The following CNKSR3 variants were observed in gnomAD, a reference collection of about 807,000 sequenced individuals.
CNKSR3 encodes CNKSR family member 3.
Under a neutral mutation model 67.7 loss-of-function variants are expected in CNKSR3, and 36 were observed. The observed-to-expected ratio is 0.53, with a 90% confidence interval of 0.41 to 0.70. The LOEUF is 0.70. Ranked by LOEUF, CNKSR3 falls within the 30% of genes least tolerant of loss-of-function variation. The pLI is 0.00. For synonymous variants in CNKSR3, 281 were observed against 271.4 expected, an observed-to-expected ratio of 1.04 and a Z score of -0.35; for missense variants, 630 against 695.2, an observed-to-expected ratio of 0.91 and a Z score of 1.05.
chr6:154,482,151 A>C (rs1380682723), intron 1 of CNKSR3, among the ~76,000 whole-genome samples: 1 of 152,228 alleles, frequency 6.6e-6, no homozygotes, highest in East Asian at 1.9e-4. Context: ...CAAACTTCGG[A>C]GAAAGATACA....
At chr6:154,415,258 T>C (rs1341218608) in intron 9 of CNKSR3, among the ~76,000 whole-genome samples, 6 of 129,174 alleles carry the variant, frequency 4.6e-5, no homozygotes, top group African/African-American at 1.8e-4. Context: ...TAAGATGGAG[T>C]CTGCCTCTGT....
intron 1 of CNKSR3, chr6:154,478,564 C>G (rs1446482019): frequency 6.6e-6 from 1 of 152,260 alleles, no homozygotes; most frequent in South Asian, 2.1e-4. Context: ...GCAGCAGCCC[C>G]AGGTCCTTCA....
At chr6:154,438,561 CA>C (rs1339362657) in intron 4 of CNKSR3, among the ~76,000 whole-genome samples, 1 of 151,906 alleles carries the variant, frequency 6.6e-6, no homozygotes, top group Non-Finnish European at 1.5e-5. Context: ...AATTGAGGTT[CA>C]AAAATTATAA....
chr6:154,453,785 T>G (rs1785889852), intron 1 of CNKSR3, among the ~76,000 whole-genome samples: 1 of 152,166 alleles, frequency 6.6e-6, no homozygotes, highest in African/African-American at 2.4e-5. Context: ...GATCTAACAG[T>G]CTTAGAATTT....
In CNKSR3 at chr6:154,442,130, T is replaced by C; in HGVS notation, c.377A>G (p.Glu126Gly). The change falls in exon 3 of 13, where the codon GAG becomes GGG. Residue 126 changes from glutamate (E) to glycine (G), a missense_variant. By Grantham distance (98) the Glu-to-Gly change is moderately conservative (BLOSUM62 -2). This residue lies in a region of CNKSR3 where 189 missense variants were observed against 205.0 expected (regional missense o/e 0.92). Transcript: ENST00000607772. ...APNEFLTSVV[E>G]LIGAAKALLA... is the part of the protein sequence containing the mutation. The stretch of plus-strand genomic sequence containing the variant: ...CAGGGCCTTGGCGGCGCCGATGAGC[T>C]CCACCACCGAGGTCAGGAACTCATT... 6.2e-7 allele frequency: 1 copy of C among 1,612,914 alleles called. No homozygotes were observed. The highest frequency in any genetic ancestry group is 8.5e-7 in the Non-Finnish European group (1 of 1,179,032).
chr6:154,456,543 C>CA (rs796270097), intron 1 of CNKSR3, among the ~76,000 whole-genome samples: 3,931 of 108,372 alleles, frequency 0.036, 137 homozygotes, highest in African/African-American at 0.097. Context: ...ACTAAAAATA[C>CA]AAAAAAAAAA....
At chr6:154,472,859 C>T (rs981563282) in intron 1 of CNKSR3, among the ~76,000 whole-genome samples, 1 of 151,174 alleles carries the variant, frequency 6.6e-6, no homozygotes, top group Non-Finnish European at 1.5e-5. Flanking sequence ...CAGGACTCTA[C>T]AACTTTCTAG....
At chr6:154,409,434 A>G (rs1397269778) in intron 12 of CNKSR3, among the ~76,000 whole-genome samples, 1 of 152,240 alleles carries the variant, frequency 6.6e-6, no homozygotes, top group Non-Finnish European at 1.5e-5. Context: ...AATTAAACAC[A>G]AATTTCTTTT....
chr6:154,470,933 C>CA (rs1204848626), intron 1 of CNKSR3, among the ~76,000 whole-genome samples: 1 of 152,194 alleles, frequency 6.6e-6, no homozygotes, highest in Non-Finnish European at 1.5e-5. Context: ...TTCACATCTT[C>CA]ACCAACACTA....
chr6:154,422,865 T>G lies in CNKSR3; in HGVS notation c.798+50A>C, dbSNP rs763718757. The stretch of plus-strand genomic sequence containing the variant: ...AAATTTAAACAAAATGGTTTTAGAT[T>G]TAATTAAAAGTTTTAAGGAGGAAAA... On this transcript the variant is annotated intron_variant, in intron 8 of 12. Coordinates refer to ENST00000607772, the MANE Select transcript of CNKSR3 (RefSeq NM_173515.4). 69 of 1,427,088 alleles carry G rather than the reference T, an allele frequency of 4.8e-5. No homozygotes were observed. The South Asian group carries it at 8.2e-4, about 17-fold the overall frequency. 88.4% of individuals were successfully genotyped at this position (1,427,088 alleles called of 1,614,324 possible). A position where few individuals can be genotyped will look rare whatever the true frequency, so the allele number is the denominator to read the frequency against.
intron 1 of CNKSR3, among the ~76,000 whole-genome samples, chr6:154,501,237 A>G (rs776834835): frequency 3.9e-5 from 6 of 152,186 alleles, no homozygotes; most frequent in Non-Finnish European, 7.4e-5. Flanking sequence ...CAACACCTGA[A>G]TCCAAGACAC....
intron 1 of CNKSR3, among the ~76,000 whole-genome samples, chr6:154,492,146 T>G (rs1786794732): frequency 6.6e-6 from 1 of 152,194 alleles, no homozygotes; most frequent in African/African-American, 2.4e-5. Flanking sequence ...TTTGCCCCAG[T>G]TGATCACTAC....
At position 154,428,179 on chromosome 6, in the gene CNKSR3, G is replaced by A. The variant is rs376718197; in HGVS notation, c.678C>T (p.Tyr226=). The A allele has an allele frequency of 2.6e-5, 42 of 1,607,054 alleles. No individual in the cohort carries two copies. Among genetic ancestry groups the A allele is most frequent in the Non-Finnish European group, 2.9e-5 (34 of 1,173,704 alleles). The change falls in exon 7 of 13, where the codon TAC becomes TAT. Residue 226 remains tyrosine, a synonymous_variant. Transcript: ENST00000607772. ...GTAACCCATCATAGGTTGATTTGAT[G>A]TACATGCCCTGGAGTGAATCACAAA... The part of the protein sequence containing the change: ...NIKPGEGLGM[Y]IKSTYDGLHV...
chr6:154,460,919 C>T (rs369313684), intron 1 of CNKSR3, among the ~76,000 whole-genome samples: 1 of 152,110 alleles, frequency 6.6e-6, no homozygotes, highest in African/African-American at 2.4e-5. Flanking sequence ...CGAGTTCTAC[C>T]GTATGGAGGT....
chr6:154,404,104 G>A lies in CNKSR3; in HGVS notation c.*2250C>T, dbSNP rs1784746544. ...CCAGCCCACACCCCACCCTCCTAGT[G>A]TGTTGAACACCCTGTGGTCACACAC... On this transcript the variant is annotated 3_prime_UTR_variant, in exon 13 of 13. Transcript: ENST00000607772. The A allele has an allele frequency of 6.6e-6, 1 of 152,140 alleles. No homozygotes were observed. The highest frequency in any genetic ancestry group is 1.5e-5 in the Non-Finnish European group (1 of 68,074). The allele number at this position is 152,140 out of a possible 1,614,324, so 9.4% of individuals were successfully genotyped here.
rs373829130 is a variant in CNKSR3 at position 154,441,343 on chromosome 6, C to T, written c.456G>A (p.Thr152=). The T allele has an allele frequency of 5.6e-6, 9 of 1,613,152 alleles. No homozygotes were observed. The highest frequency in any genetic ancestry group is 1.7e-4 in the Middle Eastern group (1 of 6,054). The change falls in exon 4 of 13, where the codon ACG becomes ACA. Residue 152 remains threonine, a synonymous_variant. Coordinates refer to ENST00000607772, the MANE Select transcript of CNKSR3 (RefSeq NM_173515.4). ...PFTGITDFSV[T]KNKIIQLCLD... The stretch of plus-strand genomic sequence containing the variant: ...AGCAAAGCTGGATAATTTTGTTCTT[C>T]GTGACTGAGAAATCAGTGATCCCTG...
chr6:154,456,042 T>G (rs1294345400), intron 1 of CNKSR3, among the ~76,000 whole-genome samples: 2 of 151,976 alleles, frequency 1.3e-5, no homozygotes, highest in African/African-American at 4.8e-5. Flanking sequence ...CAAAAAACTA[T>G]GGCTATTCTC....
At chr6:154,432,006 C>G (rs1220649791) in intron 5 of CNKSR3, among the ~76,000 whole-genome samples, 1 of 152,194 alleles carries the variant, frequency 6.6e-6, no homozygotes, top group South Asian at 2.1e-4. Flanking sequence ...ATTTTCAACT[C>G]CTTTGGGTAA....
intron 2 of CNKSR3, among the ~76,000 whole-genome samples, chr6:154,444,856 T>C (rs200812090): frequency 6.6e-6 from 1 of 152,098 alleles, no homozygotes; most frequent in Non-Finnish European, 1.5e-5. Flanking sequence ...CCGCCCACCT[T>C]GGCCTCCCAA....
Sources: allele counts gnomAD v4.1 joint callset (sites outside exome capture counted in the v4.1 genomes callset), GRCh38; gene constraint gnomAD v4.1.1; regional missense constraint gnomAD v4.1.1; transcripts MANE v1.5; gene names NCBI Gene and HGNC (gene_info 2026-07-23, HGNC 2026-07-21).